The following POC5 variants were observed in gnomAD, a reference collection of about 807,000 sequenced individuals.
POC5 encodes the protein POC5 centriolar protein.
A neutral mutation model predicts 62.9 loss-of-function variants in POC5; 48 were observed. The observed-to-expected ratio is 0.76, with a 90% CI of 0.61 to 0.97. The LOEUF is 0.97. POC5 is among the 50% of genes least tolerant of loss of function. POC5 has a pLI of 0.00. For synonymous variants in POC5, 236 were observed against 228.2 expected (o/e 1.03, Z -0.31); for missense variants, 696 against 679.5 (o/e 1.02, Z -0.27).
chr5:75,697,651 C>T (rs1179163797), intron 5 of POC5, among the ~76,000 whole-genome samples: 3 of 151,666 alleles, frequency 2.0e-5, no homozygotes, highest in East Asian at 1.9e-4. Flanking sequence ...CATCAACTAA[C>T]GAGCAAAATA....
intron 6 of POC5, 132 bp downstream of exon 6, chr5:75,694,523 T>C (rs2307115): frequency 0.19 from 132,561 of 691,954 alleles, 13,365 homozygotes; most frequent in South Asian, 0.21. Flanking sequence ...ATAAATCCAA[T>C]GGCTATGAAT....
chr5:75,711,748 G>T (rs1561484139), intron 2 of POC5, among the ~76,000 whole-genome samples: 1 of 151,992 alleles, frequency 6.6e-6, no homozygotes. Flanking sequence ...ATTATAGGTG[G>T]GTAAACAATA....
intron 3 of POC5, 113 bp downstream of exon 3, chr5:75,707,624 A>T (rs116188139): frequency 0.071 from 60,081 of 848,326 alleles, 2,457 homozygotes; most frequent in South Asian, 0.12. Context: ...TAATACACAT[A>T]AATGGTTGAG....
intron 2 of POC5, chr5:75,712,470 A>C: frequency 6.3e-7 from 1 of 1,591,714 alleles, no homozygotes; most frequent in Non-Finnish European, 8.6e-7. Context: ...GTAGAACACA[A>C]GGGAATCTTG....
At chr5:75,692,934 G>A (rs901557737) in intron 6 of POC5, among the ~76,000 whole-genome samples, 1 of 151,054 alleles carries the variant, frequency 6.6e-6, no homozygotes, top group African/African-American at 2.4e-5. Flanking sequence ...GTTCCTCAAC[G>A]ACTGTCCAAT....
intron 2 of POC5, chr5:75,712,330 T>C: frequency 6.6e-7 from 1 of 1,506,114 alleles, no homozygotes; most frequent in Non-Finnish European, 9.2e-7. Flanking sequence ...ATAAGAGAAA[T>C]TTAAAACATT....
At chr5:75,688,884 T>G in intron 9 of POC5, 128 bp downstream of exon 9, 1 of 950,114 alleles carries the variant, frequency 1.1e-6, no homozygotes, top group South Asian at 3.5e-5. Flanking sequence ...ACCATAGAAT[T>G]AAGAATAGCA....
At chr5:75,689,241 T>G (rs1254351467) in intron 8 of POC5, 76 bp from the exon 9 acceptor site, 19 of 1,411,288 alleles carry the variant, frequency 1.3e-5, no homozygotes, top group Non-Finnish European at 2.8e-6. Flanking sequence ...AGATATATAC[T>G]TTGAGATTAT....
At chr5:75,694,396 G>C (rs1051935298) in intron 6 of POC5, among the ~76,000 whole-genome samples, 1 of 152,026 alleles carries the variant, frequency 6.6e-6, no homozygotes, top group Non-Finnish European at 1.5e-5. Context: ...ATACATTTAT[G>C]GGTTACAAGG....
intron 1 of POC5, among the ~76,000 whole-genome samples, chr5:75,716,671 C>G (rs941454177): frequency 6.6e-6 from 1 of 152,254 alleles, no homozygotes; most frequent in Non-Finnish European, 1.5e-5. Context: ...TTTCAGTAGT[C>G]TCTAATCCAA....
intron 6 of POC5, among the ~76,000 whole-genome samples, chr5:75,693,015 T>A (rs1229520769): frequency 1.5e-5 from 2 of 134,776 alleles, no homozygotes; most frequent in East Asian, 3.9e-4. Context: ...ATGTTATAGT[T>A]ATATATATAA....
chr5:75,702,413 A>G (rs1437388919), intron 5 of POC5, among the ~76,000 whole-genome samples, 192 bp downstream of exon 5: 1 of 152,244 alleles, frequency 6.6e-6, no homozygotes, highest in Non-Finnish European at 1.5e-5. Flanking sequence ...ATGAAGCTGT[A>G]GTTTAACAGG....
At chr5:75,704,044 A>T (rs930392856) in intron 4 of POC5, among the ~76,000 whole-genome samples, 1 of 151,692 alleles carries the variant, frequency 6.6e-6, no homozygotes, top group African/African-American at 2.4e-5. Context: ...AGTCCCAGCT[A>T]CTTGGGAGGC....
At chr5:75,703,626 A>AAAACAAAAAC (rs1416072048) in intron 4 of POC5, among the ~76,000 whole-genome samples, 1 of 152,170 alleles carries the variant, frequency 6.6e-6, no homozygotes, top group East Asian at 1.9e-4. Flanking sequence ...TCTGTCTCCA[A>AAAACAAAAAC]AAACAAAAAC....
chr5:75,713,698 G>A (rs78333328), intron 1 of POC5, among the ~76,000 whole-genome samples: 246 of 152,314 alleles, frequency 1.6e-3, no homozygotes, highest in African/African-American at 5.7e-3. Context: ...TTGCATGACT[G>A]TAAATAAGCA....
At chr5:75,711,881 T>C (rs1471646444) in intron 2 of POC5, among the ~76,000 whole-genome samples, 1 of 152,244 alleles carries the variant, frequency 6.6e-6, no homozygotes, top group Non-Finnish European at 1.5e-5. Flanking sequence ...ACAAGGTGTT[T>C]ACATTTTAGT....
rs1776492190 is a variant in POC5, at chr5:75,694,846, T to C, written c.514-15A>G. The C allele has an allele frequency of 1.4e-6, 2 of 1,473,718 alleles. No homozygotes were observed. The highest frequency in any genetic ancestry group is 2.1e-5 in the Admixed American group (1 of 47,682). 91.3% of individuals were successfully genotyped at this position (1,473,718 alleles called of 1,614,324 possible). On this transcript the variant is annotated splice_polypyrimidine_tract_variant and intron_variant, in intron 5 of 11. Coordinates refer to ENST00000428202, the MANE Select transcript of POC5 (RefSeq NM_001099271.2). Reference sequence around the variant, plus strand: ...ATGATGTTTGTCTGAAAAATTAATATAGTGACAATTAAGTAGTTTGTTCGT... The same window carrying C: ...ATGATGTTTGTCTGAAAAATTAATACAGTGACAATTAAGTAGTTTGTTCGT...
chr5:75,677,293 T>G (rs1261228138), intron 11 of POC5, among the ~76,000 whole-genome samples: 1 of 152,202 alleles, frequency 6.6e-6, no homozygotes, highest in Non-Finnish European at 1.5e-5. Flanking sequence ...TTGAATTTTG[T>G]TAAACTAAAA....
rs1776800745 is a variant in POC5, at chr5:75,700,065, A to C, written c.513+2540T>G. 4.6e-5 allele frequency among the ~76,000 whole-genome samples: 7 copies of C among 151,938 alleles called. No homozygotes were observed. The South Asian group carries it at 1.5e-3, about 32-fold the overall frequency. ...TACAGACCACTGCTCAAGGAAATAA[A>C]AGAGGATACAAACAAATGGAAGAAC... is the stretch of plus-strand genomic sequence containing the variant. On this transcript the variant is annotated intron_variant, in intron 5 of 11. Coordinates refer to ENST00000428202, the MANE Select transcript of POC5 (RefSeq NM_001099271.2).
Sources: allele counts gnomAD v4.1 joint callset (sites outside exome capture counted in the v4.1 genomes callset), GRCh38; gene constraint gnomAD v4.1.1; transcripts MANE v1.5; gene names NCBI Gene and HGNC (gene_info 2026-07-23, HGNC 2026-07-21).